Variants in NLRP1 observed in about 807,000 individuals in gnomAD.
NLRP1 encodes the protein NLR family pyrin domain containing 1, also known as NACHT, LRR and PYD domains-containing protein 1.
In NLRP1, 94 loss-of-function variants were observed where a neutral mutation model predicts 136.7. That is an observed-to-expected ratio of 0.69 (90% confidence interval 0.58 to 0.82). The LOEUF is 0.82. Among genes scored for constraint, NLRP1 ranks in the 40% least tolerant of loss-of-function variants. NLRP1 has a pLI of 0.00. For synonymous variants in NLRP1, 690 were observed against 725.1 expected (o/e 0.95, Z 0.78); for missense variants, 1,575 against 1,802.7 (o/e 0.87, Z 2.29).
rs577836687 is a variant in NLRP1 at position 5,503,882 on chromosome 17, G to T, written c.4070-2010C>A. 13 of 152,370 alleles carry T rather than the reference G, an allele frequency of 8.5e-5. No homozygotes were observed. The South Asian group carries it at 1.7e-3, about 19-fold the overall frequency. The allele number at this position is 152,370 out of a possible 1,614,324, so 9.4% of individuals were successfully genotyped here. On this transcript the variant is annotated intron_variant, in intron 15 of 15. Transcript: ENST00000262467. ...AAGGCTACCTTTAGCTCCTGCTTCTGGGACCTGCCCAGAGTACATACCCCT... is the reference window on the plus strand; with the variant it reads ...AAGGCTACCTTTAGCTCCTGCTTCTTGGACCTGCCCAGAGTACATACCCCT...
chr17:5,579,827 C>T (rs751900022), intron 3 of NLRP1, among the ~76,000 whole-genome samples: 2 of 152,084 alleles, frequency 1.3e-5, no homozygotes, highest in Non-Finnish European at 2.9e-5. Context: ...AATGAAATAC[C>T]GCATGTTCTC....
chr17:5,525,665 G>A (rs1046765654), intron 12 of NLRP1, among the ~76,000 whole-genome samples: 4 of 152,200 alleles, frequency 2.6e-5, no homozygotes, highest in African/African-American at 7.2e-5. Context: ...AAATGATAGG[G>A]ACTGCCTGGC....
In NLRP1 at chr17:5,559,431, G is replaced by C. The variant is rs144297582; in HGVS notation, c.1265C>G (p.Pro422Arg). 1.9e-6 allele frequency: 3 copies of C among 1,613,430 alleles called. No individual in the cohort carries two copies. In the African/African-American group the frequency reaches 4.0e-5, roughly 22 times the overall value. Reference sequence around the variant, plus strand: ...CCAGTGCAGACAGAGCTCAGAACTCGGCTCCTGCAAGACCCATCCTGGCTC... The same window carrying C: ...CCAGTGCAGACAGAGCTCAGAACTCCGCTCCTGCAAGACCCATCCTGGCTC... ...VDEPGWVLQE[P>R]SSELCLHWSQ... is the part of the protein sequence containing the mutation. The change falls in exon 4 of 17, where the codon CCG (proline) becomes CGG (arginine). Residue 422 changes from proline to arginine, a missense_variant. Transcript: ENST00000572272.
intron 12 of NLRP1, among the ~76,000 whole-genome samples, chr17:5,522,903 A>ATG (rs2151744634): frequency 6.6e-6 from 1 of 152,290 alleles, no homozygotes; most frequent in Admixed American, 6.5e-5. Context: ...GCCACTCACT[A>ATG]TTCAAACTCT....
At chr17:5,539,394 A>G (rs1286680235) in intron 7 of NLRP1, 21 bp downstream of exon 7, 2 of 1,602,442 alleles carry the variant, frequency 1.2e-6, no homozygotes, top group African/African-American at 1.3e-5. Context: ...CTCTGCCCAG[A>G]AGGGACCCAC....
At chr17:5,563,325 G>C (rs1443902858) in intron 3 of NLRP1, among the ~76,000 whole-genome samples, 1 of 152,170 alleles carries the variant, frequency 6.6e-6, no homozygotes, top group African/African-American at 2.4e-5. Flanking sequence ...TAGGAATGAA[G>C]ATCATTGAGA....
chr17:5,579,663 T>C (rs1826589795), intron 3 of NLRP1, among the ~76,000 whole-genome samples: 1 of 152,218 alleles, frequency 6.6e-6, no homozygotes, highest in East Asian at 1.9e-4. Context: ...CTAGTCACAA[T>C]AGCACCAGTA....
chr17:5,521,548 G>A lies in NLRP1; in HGVS notation c.3759C>T (p.Ile1253=). The A allele has an allele frequency of 6.2e-7, 1 of 1,613,994 alleles. No individual in the cohort carries two copies. Residue 1253 remains isoleucine, a synonymous_variant, in exon 13 of 17, where the codon ATC becomes ATT. Coordinates refer to ENST00000572272, the MANE Select transcript of NLRP1 (RefSeq NM_033004.4). The part of the protein sequence containing the change: ...PEEVTFHLYL[I]PSDCSIRKAI... The stretch of plus-strand genomic sequence containing the variant: ...CCTTCCGAATGGAGCAGTCACTTGG[G>A]ATCAGGTAGAGGTGGAAGGTGACTT...
intron 3 of NLRP1, among the ~76,000 whole-genome samples, chr17:5,561,564 C>T (rs1236353075): frequency 2.0e-5 from 2 of 101,496 alleles, no homozygotes; most frequent in African/African-American, 3.8e-5. Context: ...CTGCCTCAGC[C>T]TCCCGAGTAG....
In NLRP1 at chr17:5,559,293, G is replaced by A. The variant is rs1280048617; in HGVS notation, c.1403C>T (p.Pro468Leu). 6.2e-7 allele frequency: 1 copy of A among 1,614,222 alleles called. No homozygotes were observed. Among genetic ancestry groups the A allele is most frequent in the South Asian group, 1.1e-5 (1 of 91,088 alleles). Residue 468 changes from proline to leucine, a missense_variant, in exon 4 of 17, where the codon CCT becomes CTT. Transcript: ENST00000572272. ...TACCCAACGTGCCTGCTCCAAAGAA[G>A]GAATGAGGTTCTGCAGAGCTGTGGT... The part of the protein sequence containing the change: ...ARTTALQNLI[P>L]SLEQARWVEV...
At chr17:5,547,326 C>T (rs534796425) in intron 5 of NLRP1, among the ~76,000 whole-genome samples, 1 of 152,252 alleles carries the variant, frequency 6.6e-6, no homozygotes, top group African/African-American at 2.4e-5. Flanking sequence ...TTTGACTTTG[C>T]AGCCACCTTG....
exon 16 of NLRP1, chr17:5,501,610 A>C (rs1597383544): frequency 1.9e-6 from 1 of 531,890 alleles, no homozygotes; most frequent in East Asian, 3.2e-5. Flanking sequence ...CTGTATGTGT[A>C]CAACCTGTTT....
At position 5,583,658 on chromosome 17, in the gene NLRP1, G is replaced by T. The variant is rs201187284; in HGVS notation, c.271+29C>A. The T allele has an allele frequency of 1.3e-6, 2 of 1,543,052 alleles. No individual in the cohort carries two copies. The highest frequency in any genetic ancestry group is 2.7e-5 in the African/African-American group (2 of 72,992). On this transcript the variant is annotated intron_variant, in intron 1 of 16. Coordinates refer to ENST00000572272, the MANE Select transcript of NLRP1 (RefSeq NM_033004.4). The surrounding 1 kb of genome is among the most constrained non-coding windows in gnomAD (Gnocchi z 4.5). ...AGGCATGAGGGCCAGGGGATGTCCC[G>T]CGGGCAGTGGGGTCCTCTGTCCACT...
chr17:5,583,843 C>T lies in NLRP1; in HGVS notation c.115G>A (p.Gly39Ser), dbSNP rs774564239. The change falls in exon 1 of 17, where the codon GGT becomes AGT. Residue 39 changes from glycine (G) to serine (S), a missense_variant. Transcript: ENST00000572272. The surrounding 1 kb of genome is among the most constrained non-coding windows in gnomAD (Gnocchi z 4.5). ...ANKAHSRSSSGETPAQPEKTS... is the reference protein window; with the variant it reads ...ANKAHSRSSSSETPAQPEKTS... ...TTCTCTGGCTGAGCGGGTGTCTCAC[C>T]CGAAGAGCTCCTGGAGTGCGCTTTA... 13 of 1,569,740 alleles carry T rather than the reference C, an allele frequency of 8.3e-6. No homozygotes were observed. Among genetic ancestry groups the T allele is most frequent in the South Asian group, 7.0e-5 (6 of 85,926 alleles).
chr17:5,517,936 G>A, intron 14 of NLRP1, 49 bp from the exon 15 acceptor site: 1 of 1,602,460 alleles, frequency 6.2e-7, no homozygotes, highest in Non-Finnish European at 8.5e-7. Context: ...TTGCATGGAA[G>A]GTCTTTCCCC....
chr17:5,512,328 C>T (rs1027788996), downstream of NLRP1: 25 of 1,397,646 alleles, frequency 1.8e-5, no homozygotes, highest in African/African-American at 1.7e-4. Context: ...CGCCAAGAGG[C>T]GGGTCTACTT....
intron 3 of NLRP1, among the ~76,000 whole-genome samples, chr17:5,567,628 CT>C (rs768369606): frequency 1.3e-5 from 2 of 151,974 alleles, no homozygotes; most frequent in Non-Finnish European, 2.9e-5. Context: ...TAAAAATATT[CT>C]GTGTTTTTCG....
chr17:5,539,622 C>A, intron 6 of NLRP1, 37 bp from the exon 7 acceptor site: 1 of 1,541,326 alleles, frequency 6.5e-7, no homozygotes. Flanking sequence ...GGTCATTGTC[C>A]TAAGGGCTCG....
intron 5 of NLRP1, among the ~76,000 whole-genome samples, chr17:5,551,432 C>T (rs1044970137): frequency 2.0e-5 from 3 of 152,222 alleles, no homozygotes; most frequent in African/African-American, 7.2e-5. Context: ...CATTCACTTT[C>T]TGAAGGGCAG....
Sources: gnomAD v4.1 joint callset for allele counts (sites outside exome capture counted in the v4.1 genomes callset) on GRCh38, gnomAD v4.1.1 for gene constraint, Gnocchi (gnomAD v3.1) non-coding constraint, MANE v1.5 for transcripts, NCBI Gene and HGNC (gene_info 2026-07-23, HGNC 2026-07-21) for gene names.